The following ZNF704 variants were observed in gnomAD, a reference collection of about 807,000 sequenced individuals.
ZNF704 encodes zinc finger protein 704.
ZNF704 carries 10 observed loss-of-function variants against 44.7 expected under a neutral mutation model. That is an observed-to-expected ratio of 0.22 (90% CI 0.14 to 0.38). ZNF704 has a LOEUF of 0.38. Ranked by LOEUF, ZNF704 falls within the 10% of genes least tolerant of loss-of-function variation. The probability of loss-of-function intolerance (pLI) is 1.00; values close to 1 mark genes in which losing one functional copy is unlikely to be tolerated. For synonymous variants in ZNF704, 211 were observed against 207.6 expected (o/e 1.02, Z -0.14); for missense variants, 390 against 545.5 (o/e 0.71, Z 2.84).
At chr8:80,853,903 G>C (rs186884232) in intron 1 of ZNF704, among the ~76,000 whole-genome samples, 4 of 152,074 alleles carry the variant, frequency 2.6e-5, no homozygotes, top group Admixed American at 6.6e-5. Context: ...CGAGGTTAAC[G>C]GGAGTAAACA....
intron 2 of ZNF704, among the ~76,000 whole-genome samples, chr8:80,722,250 AAAC>A: frequency 7.3e-6 from 1 of 137,750 alleles, no homozygotes; most frequent in South Asian, 2.1e-4. Context: ...CACTCCAAAA[AAAC>A]AAAACAAAAC....
chr8:80,746,764 C>T (rs550661435), intron 2 of ZNF704, among the ~76,000 whole-genome samples: 34 of 152,254 alleles, frequency 2.2e-4, no homozygotes, highest in Admixed American at 3.9e-4. Context: ...TCCTGGGTGC[C>T]ATGGAGATTG....
chr8:80,702,326 C>T (rs1463052926), intron 2 of ZNF704, among the ~76,000 whole-genome samples: 3 of 152,048 alleles, frequency 2.0e-5, no homozygotes, highest in Non-Finnish European at 2.9e-5. Flanking sequence ...TTTGGAATTG[C>T]TGTTATGGGT....
intron 2 of ZNF704, among the ~76,000 whole-genome samples, chr8:80,804,478 G>T (rs1807953962): frequency 6.6e-6 from 1 of 152,076 alleles, no homozygotes; most frequent in Non-Finnish European, 1.5e-5. Flanking sequence ...TATATACCAT[G>T]GAATACTATG....
chr8:80,872,910 G>A (rs1407442665), intron 1 of ZNF704, among the ~76,000 whole-genome samples: 1 of 151,860 alleles, frequency 6.6e-6, no homozygotes. Context: ...AAATGATGTC[G>A]AGTGGAAACA....
At chr8:80,681,830 T>C (rs1254398301) in intron 4 of ZNF704, among the ~76,000 whole-genome samples, 1 of 152,214 alleles carries the variant, frequency 6.6e-6, no homozygotes, top group East Asian at 1.9e-4. Flanking sequence ...GGCTAGAAGA[T>C]TTCCAAAGTC....
chr8:80,636,100 C>T lies in ZNF704; in HGVS notation c.*5266G>A, dbSNP rs1327031000. On this transcript the variant is annotated 3_prime_UTR_variant, in exon 9 of 9. Coordinates refer to ENST00000327835, the MANE Select transcript of ZNF704 (RefSeq NM_001033723.3). Reference sequence around the variant, plus strand: ...TCCAGTTAACTTGAGAAGTAGAGTACTGACGCTTATTACCAAAGTGTCATG... The same window carrying T: ...TCCAGTTAACTTGAGAAGTAGAGTATTGACGCTTATTACCAAAGTGTCATG... 2 of 152,210 alleles carry T rather than the reference C, an allele frequency of 1.3e-5. No individual in the cohort carries two copies. Among genetic ancestry groups the T allele is most frequent in the Non-Finnish European group, 2.9e-5 (2 of 68,036 alleles). 9.4% of individuals were successfully genotyped at this position (152,210 alleles called of 1,614,324 possible).
rs1817598031 is a variant in ZNF704 at position 80,632,189 on chromosome 8, C to G, written c.*9177G>C. On this transcript the variant is annotated 3_prime_UTR_variant, in exon 9 of 9. Transcript: ENST00000327835. ...TTTTCTGTTTAAAGGAAATTTCCTT[C>G]CTTAATGGTAGTCTCACCCCAGGTG... 6.6e-6 allele frequency: 1 copy of G among 152,122 alleles called. No individual in the cohort carries two copies. The highest frequency in any genetic ancestry group is 2.4e-5 in the African/African-American group (1 of 41,434). 9.4% of individuals were successfully genotyped at this position (152,122 alleles called of 1,614,324 possible).
At chr8:80,734,687 T>C (rs1806636980) in intron 2 of ZNF704, among the ~76,000 whole-genome samples, 2 of 152,216 alleles carry the variant, frequency 1.3e-5, no homozygotes, top group Admixed American at 6.5e-5. Flanking sequence ...CACAACACCT[T>C]TATAAGTTTT....
rs369779586 is a variant in ZNF704 at position 80,673,219 on chromosome 8, C to T, written c.559-2616G>A. On this transcript the variant is annotated intron_variant, in intron 4 of 8. Coordinates refer to ENST00000327835, the MANE Select transcript of ZNF704 (RefSeq NM_001033723.3). ...GGTGAAAATAAAGATACACTTTTTC[C>T]CCCATGCAGGTTCACCGACTTCCTG... 39 of 152,166 alleles carry T rather than the reference C, an allele frequency of 2.6e-4. 1 individual carries two copies. The highest frequency in any genetic ancestry group is 3.4e-3 in the Middle Eastern group (1 of 294). The allele number at this position is 152,166 out of a possible 1,614,324, so 9.4% of individuals were successfully genotyped here.
chr8:80,633,272 T>C lies in ZNF704; in HGVS notation c.*8094A>G, dbSNP rs927848048. ...GACTTAAGTTTATATACATAGCAAA[T>C]GTTGTATGCTAGCAGCAAAATAAAT... On this transcript the variant is annotated 3_prime_UTR_variant, in exon 9 of 9. Transcript: ENST00000327835. 5.9e-5 allele frequency: 9 copies of C among 152,330 alleles called. No homozygotes were observed. Among genetic ancestry groups the C allele is most frequent in the South Asian group, 2.1e-4 (1 of 4,830 alleles). The allele number at this position is 152,330 out of a possible 1,614,324, so 9.4% of individuals were successfully genotyped here.
At chr8:80,666,314 A>G (rs1307089412) in intron 5 of ZNF704, among the ~76,000 whole-genome samples, 2 of 151,448 alleles carry the variant, frequency 1.3e-5, no homozygotes, top group African/African-American at 4.9e-5. Flanking sequence ...TTATGGCTGC[A>G]TAGTATTCCA....
chr8:80,871,487 T>C (rs1586089774), intron 1 of ZNF704, among the ~76,000 whole-genome samples: 1 of 152,216 alleles, frequency 6.6e-6, no homozygotes, highest in Admixed American at 6.5e-5. Flanking sequence ...TCTTCTTCCT[T>C]TGAAACTCTA....
intron 2 of ZNF704, chr8:80,749,504 G>A (rs888297689): frequency 1.3e-5 from 2 of 153,150 alleles, no homozygotes; most frequent in African/African-American, 4.8e-5. Flanking sequence ...GGTTTAGAGT[G>A]CGGAATCATC....
chr8:80,790,206 T>A (rs140601623), intron 2 of ZNF704, among the ~76,000 whole-genome samples: 2 of 152,330 alleles, frequency 1.3e-5, no homozygotes, highest in Non-Finnish European at 2.9e-5. Context: ...GTTTCAACTG[T>A]GCAAGGACTG....
Position 80,764,862 on chromosome 8 carries a change from G to A in ZNF704, c.221+56512C>T, listed in dbSNP as rs77942901. On this transcript the variant is annotated intron_variant, in intron 2 of 8. Coordinates refer to ENST00000327835, the MANE Select transcript of ZNF704 (RefSeq NM_001033723.3). Reference sequence around the variant, plus strand: ...CTTACATTTTGTTATAAGAAATACAGTAAGAAGGAATGATATTCAGCTTCT... The same window carrying A: ...CTTACATTTTGTTATAAGAAATACAATAAGAAGGAATGATATTCAGCTTCT... Among the ~76,000 whole-genome samples the A allele has an allele frequency of 3.3e-3, 507 of 152,298 alleles. 3 individuals carry two copies. Among genetic ancestry groups the A allele is most frequent in the African/African-American group, 0.011 (477 of 41,564 alleles).
intron 7 of ZNF704, among the ~76,000 whole-genome samples, chr8:80,657,186 G>T (rs1451126834): frequency 6.6e-6 from 1 of 152,056 alleles, no homozygotes; most frequent in East Asian, 1.9e-4. Context: ...TTTTTTTAGA[G>T]CATGGCCAGA....
At chr8:80,815,880 C>G (rs1197668863) in intron 2 of ZNF704, among the ~76,000 whole-genome samples, 1 of 152,182 alleles carries the variant, frequency 6.6e-6, no homozygotes, top group East Asian at 1.9e-4. Context: ...AGCCAAAAAG[C>G]CCAGTTGCAA....
intron 1 of ZNF704, among the ~76,000 whole-genome samples, chr8:80,861,172 G>T (rs541605872): frequency 2.0e-4 from 31 of 152,300 alleles, no homozygotes; most frequent in Non-Finnish European, 4.1e-4. Flanking sequence ...CAAAAAGAAA[G>T]AGTGAGGAAA....
Sources: gnomAD v4.1 joint callset for allele counts (sites outside exome capture counted in the v4.1 genomes callset) on GRCh38, gnomAD v4.1.1 for gene constraint, MANE v1.5 for transcripts, NCBI Gene and HGNC (gene_info 2026-07-23, HGNC 2026-07-21) for gene names.